Variants in ANKRD11 observed in about 807,000 individuals in gnomAD.
ANKRD11 encodes ankyrin repeat domain-containing protein 11.
ANKRD11 carries 17 observed loss-of-function variants against 195.7 expected under a neutral mutation model. The ratio of observed to expected loss-of-function variants is 0.09; its 90% confidence interval spans 0.06 to 0.13. The LOEUF (loss-of-function observed/expected upper bound fraction) is 0.13. Among genes scored for constraint, ANKRD11 ranks in the 10% least tolerant of loss-of-function variants. The pLI, the probability that ANKRD11 is intolerant of heterozygous loss-of-function variation, is 1.00. For missense variants in ANKRD11, 3,735 were observed against 3,566.1 expected, an observed-to-expected ratio of 1.05 and a Z score of -1.21; for synonymous variants, 1,953 against 1,528.1, an observed-to-expected ratio of 1.28 and a Z score of -6.49.
intron 9 of ANKRD11, chr16:89,278,712 AGG>A (rs1379230437): frequency 2.1e-6 from 1 of 487,454 alleles, no homozygotes; most frequent in Non-Finnish European, 4.0e-6. Flanking sequence ...CAGGAGACAC[AGG>A]GGGTGGCTCT....
chr16:89,374,104 A>G (rs2040314615), intron 2 of ANKRD11, among the ~76,000 whole-genome samples: 1 of 152,214 alleles, frequency 6.6e-6, no homozygotes, highest in South Asian at 2.1e-4. Context: ...AAAATGATCA[A>G]TAGTTTTACT....
In ANKRD11 at chr16:89,268,678, G is replaced by T; in HGVS notation, c.7807-15C>A. On this transcript the variant is annotated splice_polypyrimidine_tract_variant and intron_variant, in intron 12 of 12. Coordinates refer to ENST00000301030, the MANE Select transcript of ANKRD11 (RefSeq NM_013275.6). ...AGGAGGCAAGTCTGCGGGACACACA[G>T]CGGGGAGAGGAGGGAGGAGGAGTGA... The T allele has an allele frequency of 6.3e-7, 1 of 1,576,526 alleles. No homozygotes were observed. The highest frequency in any genetic ancestry group is 8.6e-7 in the Non-Finnish European group (1 of 1,161,288).
At chr16:89,305,531 C>T (rs1007825378) in intron 3 of ANKRD11, among the ~76,000 whole-genome samples, 187 bp from the exon 4 acceptor site, 7 of 152,080 alleles carry the variant, frequency 4.6e-5, no homozygotes, top group Non-Finnish European at 4.4e-5. Flanking sequence ...AGCCCGGGGT[C>T]GGGCTGTGGC....
intron 2 of ANKRD11, among the ~76,000 whole-genome samples, chr16:89,318,690 C>G (rs2037117125): frequency 1.3e-5 from 2 of 152,220 alleles, no homozygotes; most frequent in African/African-American, 2.4e-5. Flanking sequence ...TCCTCCAACA[C>G]CATCTCATGA....
At chr16:89,436,486 C>A (rs1330793611) in intron 1 of ANKRD11, among the ~76,000 whole-genome samples, 1 of 152,012 alleles carries the variant, frequency 6.6e-6, no homozygotes, top group Non-Finnish European at 1.5e-5. Flanking sequence ...GCAGAAAAGA[C>A]CACTGTCTCT....
chr16:89,351,134 G>C (rs538305055), intron 2 of ANKRD11, among the ~76,000 whole-genome samples: 86 of 152,324 alleles, frequency 5.6e-4, no homozygotes, highest in African/African-American at 2.0e-3. Context: ...GCACGGGAGT[G>C]GACGATGGCG....
At chr16:89,363,528 G>T in intron 2 of ANKRD11, among the ~76,000 whole-genome samples, 1 of 151,948 alleles carries the variant, frequency 6.6e-6, no homozygotes, top group East Asian at 1.9e-4. Context: ...ATCTCTCAAG[G>T]GGGAAAAAAA....
chr16:89,390,211 C>A (rs1330196800), intron 2 of ANKRD11, among the ~76,000 whole-genome samples: 24 of 115,336 alleles, frequency 2.1e-4, no homozygotes, highest in African/African-American at 7.4e-4. Flanking sequence ...GGGCGAACAC[C>A]GAGTGTGGCG....
chr16:89,476,136 A>G (rs1352633185), intron 1 of ANKRD11, among the ~76,000 whole-genome samples: 2 of 152,204 alleles, frequency 1.3e-5, no homozygotes, highest in African/African-American at 4.8e-5. Flanking sequence ...GAACAAAAAA[A>G]ATTCAGCCAA....
Position 89,291,291 on chromosome 16 carries a change from T to C in ANKRD11, c.227-108A>G. On this transcript the variant is annotated intron_variant, in intron 4 of 12. Transcript: ENST00000301030. This position sits in a 1 kb window ranked among gnomAD's most constrained non-coding sequence, Gnocchi z 5.3. ...GAGCCCCCTGCGTCCACCTGACAGC[T>C]GACAGAGCAGAAAGGAAGGTCTGTG... 1 of 1,382,024 alleles carries C rather than the reference T, an allele frequency of 7.2e-7. No individual in the cohort carries two copies. The highest frequency in any genetic ancestry group is 1.0e-6 in the Non-Finnish European group (1 of 999,580). The allele number at this position is 1,382,024 out of a possible 1,614,324, so 85.6% of individuals were successfully genotyped here. A position where few individuals can be genotyped will look rare whatever the true frequency, so the allele number is the denominator to read the frequency against.
At chr16:89,440,949 T>C (rs931993326) in intron 1 of ANKRD11, among the ~76,000 whole-genome samples, 3 of 152,084 alleles carry the variant, frequency 2.0e-5, no homozygotes, top group African/African-American at 7.2e-5. Context: ...AAAATAAGTT[T>C]CCTTGCGGCC....
chr16:89,449,759 C>A (rs916778766), intron 1 of ANKRD11, among the ~76,000 whole-genome samples: 1 of 152,148 alleles, frequency 6.6e-6, no homozygotes, highest in African/African-American at 2.4e-5. Flanking sequence ...TGTCACTGCA[C>A]TCCAGCCTGG....
At chr16:89,424,774 G>A (rs948017377) in intron 1 of ANKRD11, among the ~76,000 whole-genome samples, 5 of 152,162 alleles carry the variant, frequency 3.3e-5, no homozygotes, top group African/African-American at 7.2e-5. Flanking sequence ...CTAGAAAAGG[G>A]CAAAGGGCCG....
At chr16:89,452,571 G>A (rs896350552) in intron 1 of ANKRD11, among the ~76,000 whole-genome samples, 2 of 151,934 alleles carry the variant, frequency 1.3e-5, no homozygotes, top group African/African-American at 2.4e-5. Flanking sequence ...GAGGTCAAGA[G>A]ATTGAGACCA....
At chr16:89,451,377 T>C (rs535782762) in intron 1 of ANKRD11, among the ~76,000 whole-genome samples, 2 of 151,046 alleles carry the variant, frequency 1.3e-5, no homozygotes, top group South Asian at 4.2e-4. Context: ...AAAAATTTTC[T>C]AAAATTGGAT....
chr16:89,455,422 A>G (rs1214190450), intron 1 of ANKRD11, among the ~76,000 whole-genome samples: 1 of 152,122 alleles, frequency 6.6e-6, no homozygotes, highest in Admixed American at 6.5e-5. Flanking sequence ...TAAGCTACTC[A>G]GTAAGAAAAA....
intron 3 of ANKRD11, 119 bp downstream of exon 3, chr16:89,316,814 A>C: frequency 2.4e-6 from 3 of 1,239,606 alleles, no homozygotes; most frequent in Non-Finnish European, 3.5e-6. Flanking sequence ...GGCTGCAGAC[A>C]GAGGCACGAG....
intron 1 of ANKRD11, chr16:89,422,207 A>T (rs2042543211): frequency 6.6e-6 from 1 of 152,160 alleles, no homozygotes; most frequent in Non-Finnish European, 1.5e-5. Flanking sequence ...CCAGAACTTT[A>T]AGAGGCCGAG....
intron 1 of ANKRD11, among the ~76,000 whole-genome samples, chr16:89,485,611 A>C (rs1400859857): frequency 1.3e-5 from 2 of 152,184 alleles, no homozygotes; most frequent in Non-Finnish European, 2.9e-5. Context: ...CAAAAATCTA[A>C]AACAAGTCGC....
Sources: allele counts gnomAD v4.1 joint callset (sites outside exome capture counted in the v4.1 genomes callset), GRCh38; gene constraint gnomAD v4.1.1; non-coding constraint Gnocchi (gnomAD v3.1); transcripts MANE v1.5; gene names NCBI Gene and HGNC (gene_info 2026-07-23, HGNC 2026-07-21).